The following LAMB1 variants were observed in gnomAD, a reference collection of about 807,000 sequenced individuals.
LAMB1 encodes the protein laminin subunit beta-1.
Under a neutral mutation model 222.3 loss-of-function variants are expected in LAMB1, and 121 were observed. The ratio of observed to expected loss-of-function variants is 0.54; its 90% confidence interval spans 0.47 to 0.63. LAMB1 has a LOEUF of 0.63. Ranked by LOEUF, LAMB1 falls within the 30% of genes least tolerant of loss-of-function variation. The pLI, the probability that LAMB1 is intolerant of heterozygous loss-of-function variation, is 0.00. For synonymous variants in LAMB1, 794 were observed against 807.2 expected (o/e 0.98, Z 0.28); for missense variants, 2,172 against 2,240.8 (o/e 0.97, Z 0.62).
intron 29 of LAMB1, 24 bp from the exon 30 acceptor site, chr7:107,929,643 A>C (rs1396756747): frequency 6.3e-7 from 1 of 1,588,120 alleles, no homozygotes. Context: ...AGATGTCCCC[A>C]AAAAGAGGTG....
intron 13 of LAMB1, among the ~76,000 whole-genome samples, chr7:107,970,733 ATT>A (rs112356688): frequency 6.8e-6 from 1 of 146,058 alleles, no homozygotes; most frequent in Admixed American, 6.8e-5. Context: ...AGGTCTTATT[ATT>A]TTTTTTTTTT....
At chr7:107,928,384 A>G (rs546091139) in intron 31 of LAMB1, among the ~76,000 whole-genome samples, 1 of 152,328 alleles carries the variant, frequency 6.6e-6, no homozygotes, top group South Asian at 2.1e-4. Context: ...CAAAATCTTG[A>G]GACATTGGCC....
chr7:107,978,219 C>T, intron 8 of LAMB1, 52 bp from the exon 9 acceptor site: 1 of 1,584,122 alleles, frequency 6.3e-7, no homozygotes, highest in South Asian at 1.1e-5. Context: ...TATGAATAGC[C>T]ACGTTTCTCC....
At position 107,926,265 on chromosome 7, in the gene LAMB1, T is replaced by C; in HGVS notation, c.4982A>G (p.Lys1661Arg). Residue 1661 changes from lysine (K) to arginine (R), a missense_variant, in exon 32 of 34, where the codon AAA becomes AGA. Coordinates refer to ENST00000222399, the MANE Select transcript of LAMB1 (RefSeq NM_002291.3). ...LERNVEELKR[K>R]AAQNSGEAEY... ...TGCCTCCCCGGAGTTTTGGGCAGCTTTCCGCTTAAGTTCTTCCACATTCCT... is the reference window on the plus strand; with the variant it reads ...TGCCTCCCCGGAGTTTTGGGCAGCTCTCCGCTTAAGTTCTTCCACATTCCT... 6.2e-7 allele frequency: 1 copy of C among 1,614,054 alleles called. No homozygotes were observed. The highest frequency in any genetic ancestry group is 8.5e-7 in the Non-Finnish European group (1 of 1,179,896).
At chr7:107,973,765 C>G (rs1389587378) in intron 12 of LAMB1, among the ~76,000 whole-genome samples, 1 of 152,138 alleles carries the variant, frequency 6.6e-6, no homozygotes, top group South Asian at 2.1e-4. Context: ...CCTGCCTTAG[C>G]CTCCCGAGTA....
intron 13 of LAMB1, among the ~76,000 whole-genome samples, chr7:107,968,809 C>G (rs920470918): frequency 1.3e-5 from 2 of 152,192 alleles, no homozygotes; most frequent in African/African-American, 4.8e-5. Flanking sequence ...CCTTAGAAAA[C>G]AATGCAGCCC....
chr7:108,002,084 C>G, intron 2 of LAMB1: 1 of 1,474,274 alleles, frequency 6.8e-7, no homozygotes, highest in Non-Finnish European at 9.0e-7. Context: ...TCGACGTGTC[C>G]GGAGCCCGGC....
chr7:107,990,913 G>A (rs1403334502), intron 5 of LAMB1, among the ~76,000 whole-genome samples: 2 of 152,144 alleles, frequency 1.3e-5, no homozygotes, highest in African/African-American at 2.4e-5. Context: ...TTTTGCATTA[G>A]CAGTAACCCT....
chr7:107,955,372 T>C (rs1334883727), intron 21 of LAMB1, 95 bp downstream of exon 21: 3 of 1,071,938 alleles, frequency 2.8e-6, no homozygotes, highest in African/African-American at 1.6e-5. Context: ...GTAGACTTAA[T>C]TGGTTCACTT....
chr7:107,936,471 G>A (rs2032850133), intron 26 of LAMB1: 1 of 152,260 alleles, frequency 6.6e-6, no homozygotes, highest in African/African-American at 2.4e-5. Flanking sequence ...TAACGGACTT[G>A]ACCACCTGTG....
In LAMB1 at chr7:107,952,001, C is replaced by A; in HGVS notation, c.3294+8G>T. 6.2e-7 allele frequency: 1 copy of A among 1,603,694 alleles called. No homozygotes were observed. The highest frequency in any genetic ancestry group is 1.1e-5 in the South Asian group (1 of 90,330). On this transcript the variant is annotated splice_region_variant and intron_variant, in intron 23 of 33. Coordinates refer to ENST00000222399, the MANE Select transcript of LAMB1 (RefSeq NM_002291.3). The stretch of plus-strand genomic sequence containing the variant: ...ATAAAGGCATCATCCCCAGCAGCAG[C>A]CCCTCACCTCATTGCAAGATGGCCC...
chr7:107,977,755 C>T (rs907997149), intron 9 of LAMB1, among the ~76,000 whole-genome samples: 2 of 151,626 alleles, frequency 1.3e-5, no homozygotes, highest in Admixed American at 6.6e-5. Context: ...ACAGCCTAGG[C>T]GACAAAAAAA....
At chr7:107,974,939 T>A (rs1213198106) in intron 12 of LAMB1, 47 bp downstream of exon 12, 1 of 1,076,966 alleles carries the variant, frequency 9.3e-7, no homozygotes, top group East Asian at 2.4e-5. Context: ...TATTAAAACA[T>A]GTCATCCTCA....
chr7:107,978,294 G>C (rs2033908039), intron 8 of LAMB1, 127 bp from the exon 9 acceptor site: 1 of 1,069,392 alleles, frequency 9.4e-7, no homozygotes, highest in African/African-American at 1.6e-5. Flanking sequence ...GAAAAGGGTT[G>C]TTTGGTTGTT....
At chr7:107,952,548 C>T (rs1273436367) in intron 22 of LAMB1, among the ~76,000 whole-genome samples, 1 of 152,102 alleles carries the variant, frequency 6.6e-6, no homozygotes, top group Non-Finnish European at 1.5e-5. Flanking sequence ...TAAAAAATGC[C>T]AGTGGGAATT....
chr7:107,997,335 A>G (rs1253568832), intron 4 of LAMB1, among the ~76,000 whole-genome samples: 1 of 152,230 alleles, frequency 6.6e-6, no homozygotes, highest in Non-Finnish European at 1.5e-5. Context: ...AGGCAGGAGA[A>G]TCACTTGAAC....
At chr7:107,953,853 T>G (rs1584502473) in intron 21 of LAMB1, 99 bp from the exon 22 acceptor site, 1 of 986,148 alleles carries the variant, frequency 1.0e-6, no homozygotes, top group Admixed American at 1.8e-5. Context: ...ATCGTGGCGG[T>G]GCTTCATCTT....
chr7:107,993,554 A>G (rs2034226345), intron 5 of LAMB1, among the ~76,000 whole-genome samples: 1 of 152,256 alleles, frequency 6.6e-6, no homozygotes, highest in Non-Finnish European at 1.5e-5. Flanking sequence ...TTCAACTACA[A>G]AACATGTGCC....
chr7:107,994,113 A>AT (rs929805523), intron 5 of LAMB1, among the ~76,000 whole-genome samples: 2 of 152,166 alleles, frequency 1.3e-5, no homozygotes, highest in African/African-American at 2.4e-5. Flanking sequence ...TTCAAAAGTG[A>AT]TTTTTAATCT....
Sources: gnomAD v4.1 joint callset for allele counts (sites outside exome capture counted in the v4.1 genomes callset) on GRCh38, gnomAD v4.1.1 for gene constraint, MANE v1.5 for transcripts, NCBI Gene and HGNC (gene_info 2026-07-23, HGNC 2026-07-21) for gene names.